TRMT11: variants seen among roughly 807,000 people sequenced by gnomAD.
TRMT11 encodes tRNA (guanine(10)-N(2))-methyltransferase TRMT11.
Under a neutral mutation model 62.8 loss-of-function variants are expected in TRMT11, and 53 were observed. The ratio of observed to expected loss-of-function variants is 0.84; its 90% CI spans 0.68 to 1.06. TRMT11 has a LOEUF of 1.06. TRMT11 is among the 50% of genes least tolerant of loss of function. The pLI is 0.00. For synonymous variants in TRMT11, 188 were observed against 190.3 expected (o/e 0.99, Z 0.10); for missense variants, 556 against 553.4 (o/e 1.00, Z -0.05).
chr6:126,214,528 G>T, the TRMT11 span, among the ~76,000 whole-genome samples: 1 of 151,878 alleles, frequency 6.6e-6, no homozygotes, highest in Non-Finnish European at 1.5e-5. Flanking sequence ...GCACGTAGTT[G>T]CTCATAGTAG....
intron 21 of TRMT11, among the ~76,000 whole-genome samples, chr6:126,160,462 C>T (rs1778176745): frequency 6.6e-6 from 1 of 151,902 alleles, no homozygotes; most frequent in African/African-American, 2.4e-5. Context: ...TGCTCAAGTC[C>T]ATGGAGACTA....
chr6:126,131,294 AC>A (rs1327593275), intron 21 of TRMT11, among the ~76,000 whole-genome samples: 3 of 152,012 alleles, frequency 2.0e-5, no homozygotes. Context: ...TAGGTTTAAA[AC>A]TTGCACCCCC....
chr6:126,124,129 T>C (rs1456617250), intron 21 of TRMT11, among the ~76,000 whole-genome samples: 4 of 152,106 alleles, frequency 2.6e-5, no homozygotes, highest in Non-Finnish European at 4.4e-5. Flanking sequence ...AGACTGTCCA[T>C]TCATAATTAT....
the TRMT11 span, among the ~76,000 whole-genome samples, chr6:126,252,848 T>C: frequency 7.9e-5 from 12 of 152,350 alleles, no homozygotes; most frequent in Non-Finnish European, 1.8e-4. Context: ...TAATACCAAC[T>C]TCTCTGTTTC....
chr6:126,039,448 C>G (rs1775791941), downstream of TRMT11, among the ~76,000 whole-genome samples: 1 of 151,996 alleles, frequency 6.6e-6, no homozygotes, highest in Non-Finnish European at 1.5e-5. Context: ...ATTTGAAGCT[C>G]TTTTGTACCT....
intron 17 of TRMT11, among the ~76,000 whole-genome samples, chr6:126,106,233 T>C (rs1159770004): frequency 6.6e-6 from 1 of 151,966 alleles, no homozygotes; most frequent in African/African-American, 2.4e-5. Context: ...AACCTCTGCC[T>C]CCTGGGTTCA....
intron 21 of TRMT11, among the ~76,000 whole-genome samples, chr6:126,140,136 T>G (rs1777900997): frequency 6.6e-6 from 1 of 152,122 alleles, no homozygotes; most frequent in Admixed American, 6.6e-5. Flanking sequence ...TCAATACCTT[T>G]ACATTACTTA....
intron 12 of TRMT11, among the ~76,000 whole-genome samples, chr6:126,026,250 A>G (rs188723549): frequency 2.6e-5 from 4 of 152,312 alleles, no homozygotes; most frequent in African/African-American, 7.2e-5. Context: ...TAGTAAGTGG[A>G]AGAGTTGAGA....
chr6:126,246,596 A>T, the TRMT11 span, among the ~76,000 whole-genome samples: 1 of 152,184 alleles, frequency 6.6e-6, no homozygotes, highest in African/African-American at 2.4e-5. Flanking sequence ...AGTGGAAGAA[A>T]AGAGGAGATA....
chr6:126,025,532 T>C (rs1025909556), intron 12 of TRMT11, among the ~76,000 whole-genome samples: 2 of 152,240 alleles, frequency 1.3e-5, no homozygotes, highest in East Asian at 3.8e-4. Context: ...GTATGATGTT[T>C]ACTGTAACCA....
At chr6:126,064,320 C>T (rs1776624268) in intron 17 of TRMT11, among the ~76,000 whole-genome samples, 1 of 152,102 alleles carries the variant, frequency 6.6e-6, no homozygotes, top group African/African-American at 2.4e-5. Flanking sequence ...TGGATTAAAC[C>T]ACAGCTCTGT....
chr6:126,231,826 T>C, the TRMT11 span, among the ~76,000 whole-genome samples: 1 of 152,154 alleles, frequency 6.6e-6, no homozygotes, highest in African/African-American at 2.4e-5. Context: ...TTAGTGTTTT[T>C]CCCCCACATC....
At chr6:126,195,500 A>C (rs920047865) in intron 1 of TRMT11, among the ~76,000 whole-genome samples, 1 of 152,254 alleles carries the variant, frequency 6.6e-6, no homozygotes, top group African/African-American at 2.4e-5. Context: ...AAAAGTGTAA[A>C]AACCATTCAC....
chr6:125,986,859 T>C, intron 1 of TRMT11: 1 of 535,668 alleles, frequency 1.9e-6, no homozygotes, highest in Non-Finnish European at 3.3e-6. Flanking sequence ...TGCCCGTGTA[T>C]CAAGTACCGG....
chr6:126,020,766 C>T (rs1421378298), intron 11 of TRMT11, among the ~76,000 whole-genome samples: 8 of 152,168 alleles, frequency 5.3e-5, no homozygotes, highest in Non-Finnish European at 1.0e-4. Context: ...GGATTATACA[C>T]TTCGGGAATT....
chr6:126,149,815 G>C (rs1778017136), intron 21 of TRMT11, among the ~76,000 whole-genome samples: 1 of 152,196 alleles, frequency 6.6e-6, no homozygotes, highest in African/African-American at 2.4e-5. Flanking sequence ...TACAACTGAA[G>C]AATTTTCCCA....
At chr6:126,062,425 A>G (rs1231671449) in intron 17 of TRMT11, among the ~76,000 whole-genome samples, 1 of 152,202 alleles carries the variant, frequency 6.6e-6, no homozygotes, top group African/African-American at 2.4e-5. Context: ...TGTAATATGT[A>G]TATATCTGTG....
chr6:126,035,736 C>A (rs115867774), intron 12 of TRMT11, among the ~76,000 whole-genome samples: 2 of 152,030 alleles, frequency 1.3e-5, no homozygotes, highest in Non-Finnish European at 2.9e-5. Context: ...TCTCAATAAT[C>A]GTTAGCATAC....
In TRMT11 at chr6:125,999,535, G is replaced by A. The variant is rs1250727361; in HGVS notation, c.601G>A (p.Ala201Thr). The change falls in exon 7 of 13, where the codon GCT (alanine) becomes ACT (threonine). Residue 201 changes from alanine (A) to threonine (T), a missense_variant. Transcript: ENST00000334379. ...CTTTATTGGAAATACAAGTATGGAT[G>A]CTGGTTTGTCATTCATTATGGCTAA... is the stretch of plus-strand genomic sequence containing the variant. ...RHFIGNTSMD[A>T]GLSFIMANHG... 6 of 1,611,880 alleles carry A rather than the reference G, an allele frequency of 3.7e-6. No individual in the cohort carries two copies. Among genetic ancestry groups the A allele is most frequent in the African/African-American group, 1.3e-5 (1 of 74,964 alleles).
Sources: gnomAD v4.1 joint callset for allele counts (sites outside exome capture counted in the v4.1 genomes callset) on GRCh38, gnomAD v4.1.1 for gene constraint, MANE v1.5 for transcripts, NCBI Gene and HGNC (gene_info 2026-07-23, HGNC 2026-07-21) for gene names.